MIA2: variants seen among roughly 807,000 people sequenced by gnomAD.
MIA2 encodes the protein melanoma inhibitory activity protein 2.
Under a neutral mutation model 167.8 loss-of-function variants are expected in MIA2, and 127 were observed. That is an observed-to-expected ratio of 0.76 (90% CI 0.66 to 0.88). The LOEUF is 0.88. MIA2 is among the 40% of genes least tolerant of loss of function. The pLI is 0.00. For missense variants in MIA2, 1,690 were observed against 1,624.7 expected (o/e 1.04, Z -0.69); for synonymous variants, 552 against 541.9 (o/e 1.02, Z -0.26).
intron 6 of MIA2, among the ~76,000 whole-genome samples, chr14:39,262,445 A>C (rs2055168787): frequency 6.6e-6 from 1 of 152,188 alleles, no homozygotes; most frequent in Non-Finnish European, 1.5e-5. Flanking sequence ...GAAGTCAGGT[A>C]GCATGATGCC....
chr14:39,324,077 A>G (rs759507707), intron 24 of MIA2, among the ~76,000 whole-genome samples: 12 of 152,194 alleles, frequency 7.9e-5, no homozygotes, highest in Non-Finnish European at 1.8e-4. Flanking sequence ...TACTGAGTAC[A>G]AGTAAAACAA....
intron 1 of MIA2, among the ~76,000 whole-genome samples, chr14:39,236,068 T>TG (rs1383824144): frequency 3.9e-5 from 6 of 152,100 alleles, no homozygotes; most frequent in African/African-American, 1.4e-4. Flanking sequence ...CACGTTGGGT[T>TG]GGGCGGGGGG....
intron 6 of MIA2, among the ~76,000 whole-genome samples, chr14:39,274,481 T>C (rs989829602): frequency 2.7e-5 from 4 of 149,628 alleles, no homozygotes; most frequent in African/African-American, 7.4e-5. Flanking sequence ...CAGGCTGGAG[T>C]GCAGTGGCGT....
chr14:39,253,418 C>T (rs1188561065), intron 6 of MIA2: 2 of 530,596 alleles, frequency 3.8e-6, no homozygotes, highest in African/African-American at 4.0e-5. Context: ...TTACTCCACC[C>T]TCCCCATTTT....
At chr14:39,295,554 CT>C (rs913323816) in intron 13 of MIA2, among the ~76,000 whole-genome samples, 7 of 148,996 alleles carry the variant, frequency 4.7e-5, no homozygotes, top group Admixed American at 6.7e-5. Context: ...ATGGTTTGTT[CT>C]TTTTTTTTTA....
rs183229880 is a variant in MIA2 at position 39,266,924 on chromosome 14, G to C, written c.1888-10010G>C. 2.5e-3 allele frequency: 1,649 copies of C among 648,942 alleles called. 23 individuals are homozygous for C. The African/African-American group carries it at 0.028, about 11-fold the overall frequency. The allele number at this position is 648,942 out of a possible 1,614,324, so 40.2% of individuals were successfully genotyped here. A position where few individuals can be genotyped will look rare whatever the true frequency, so the allele number is the denominator to read the frequency against. ...CGGCCGCCCGAGGCGGGTGCCCTTG[G>C]GACATAGCCCTGGTCTTTGGGGTTG... is the stretch of plus-strand genomic sequence containing the variant. On this transcript the variant is annotated intron_variant, in intron 6 of 28. Coordinates refer to ENST00000640607, the MANE Select transcript of MIA2 (RefSeq NM_001329214.4).
chr14:39,382,512 G>C (rs537719257), intron 23 of MIA2, among the ~76,000 whole-genome samples: 35 of 152,316 alleles, frequency 2.3e-4, no homozygotes, highest in Non-Finnish European at 4.3e-4. Context: ...ATTTAAAGGG[G>C]AAAAGCAGGC....
At chr14:39,275,645 T>C (rs966777942) in intron 6 of MIA2, among the ~76,000 whole-genome samples, 11 of 152,236 alleles carry the variant, frequency 7.2e-5, no homozygotes, top group African/African-American at 2.7e-4. Flanking sequence ...TTGAATACAT[T>C]AGCTAAAAGT....
rs551579278 is a variant in MIA2 at position 39,366,544 on chromosome 14, T to C, written c.2248+17567T>C. 8.5e-5 allele frequency among the ~76,000 whole-genome samples: 13 copies of C among 152,266 alleles called. No homozygotes were observed. The South Asian group carries it at 2.7e-3, about 32-fold the overall frequency. On this transcript the variant is annotated intron_variant, in intron 23 of 23. Coordinates refer to the MIA2 transcript ENST00000341502. ...ACCAGCTGTGATGTTAGTGGCAGGCTAAGTGAGCCCATCTTCAGGCCCCTA... is the reference window on the plus strand; with the variant it reads ...ACCAGCTGTGATGTTAGTGGCAGGCCAAGTGAGCCCATCTTCAGGCCCCTA...
At chr14:39,262,640 T>C (rs964241636) in intron 6 of MIA2, among the ~76,000 whole-genome samples, 4 of 152,212 alleles carry the variant, frequency 2.6e-5, no homozygotes, top group African/African-American at 7.2e-5. Flanking sequence ...ATTCTTCCTA[T>C]CCATGAGCAT....
chr14:39,339,545 A>G (rs940756656), intron 25 of MIA2, among the ~76,000 whole-genome samples: 2 of 152,220 alleles, frequency 1.3e-5, no homozygotes, highest in African/African-American at 4.8e-5. Context: ...AAGAATTTCT[A>G]CTGAACATCT....
intron 23 of MIA2, among the ~76,000 whole-genome samples, chr14:39,357,381 C>G (rs183097301): frequency 7.1e-4 from 108 of 152,090 alleles, no homozygotes; most frequent in African/African-American, 2.5e-3. Context: ...CAACCCCTGC[C>G]TTTTTTTGTT....
intron 25 of MIA2, among the ~76,000 whole-genome samples, chr14:39,341,320 A>G (rs761746711): frequency 7.9e-5 from 12 of 152,058 alleles, no homozygotes; most frequent in African/African-American, 9.7e-5. Flanking sequence ...ATAAATAAAT[A>G]AATGAATAAA....
chr14:39,315,751 C>A lies in MIA2; in HGVS notation c.3216+33C>A. 2.8e-6 allele frequency: 4 copies of A among 1,423,614 alleles called. No homozygotes were observed. The South Asian group carries it at 3.9e-5, about 14-fold the overall frequency. The allele number at this position is 1,423,614 out of a possible 1,614,324, so 88.2% of individuals were successfully genotyped here. A position where few individuals can be genotyped will look rare whatever the true frequency, so the allele number is the denominator to read the frequency against. On this transcript the variant is annotated intron_variant, in intron 21 of 28. Coordinates refer to ENST00000640607, the MANE Select transcript of MIA2 (RefSeq NM_001329214.4). ...TAAAATTTCCTTAAGTCTCTTTTGT[C>A]AAATTGTATGTTTTTTTCAGAAGAT...
intron 9 of MIA2, among the ~76,000 whole-genome samples, 186 bp downstream of exon 9, chr14:39,279,723 T>C (rs1415758393): frequency 6.6e-6 from 1 of 152,214 alleles, no homozygotes; most frequent in Non-Finnish European, 1.5e-5. Flanking sequence ...AGGTGTACAA[T>C]GGTGTCTCCT....
chr14:39,370,281 A>T, intron 23 of MIA2: 1 of 160,782 alleles, frequency 6.2e-6, no homozygotes, highest in Non-Finnish European at 1.4e-5. Flanking sequence ...ATCTCTGCTC[A>T]GTGAGGACCT....
At chr14:39,302,301 A>G (rs775828181) in intron 15 of MIA2, 52 bp downstream of exon 15, 83 of 1,596,732 alleles carry the variant, frequency 5.2e-5, no homozygotes, top group African/African-American at 1.1e-4. Flanking sequence ...TAGCTCTTCT[A>G]TTTCCTTTTC....
chr14:39,351,616 T>C (rs1466781369), downstream of MIA2, among the ~76,000 whole-genome samples: 1 of 152,166 alleles, frequency 6.6e-6, no homozygotes, highest in African/African-American at 2.4e-5. Flanking sequence ...ATGGGATTTG[T>C]GCCCTTATAA....
intron 25 of MIA2, among the ~76,000 whole-genome samples, chr14:39,333,409 A>G (rs1056074200): frequency 2.0e-5 from 3 of 152,210 alleles, no homozygotes; most frequent in African/African-American, 7.2e-5. Flanking sequence ...TAAATTTGCC[A>G]TACACATGTG....
Sources: gnomAD v4.1 joint callset for allele counts (sites outside exome capture counted in the v4.1 genomes callset) on GRCh38, gnomAD v4.1.1 for gene constraint, MANE v1.5 for transcripts, NCBI Gene and HGNC (gene_info 2026-07-23, HGNC 2026-07-21) for gene names.